PLEKHS1: variants seen among roughly 807,000 people sequenced by gnomAD.
PLEKHS1 encodes the protein pleckstrin homology domain containing S1, also known as pleckstrin homology domain-containing family S member 1.
In PLEKHS1, 55 loss-of-function variants were observed where a neutral mutation model predicts 51.0. The ratio of observed to expected loss-of-function variants is 1.08; its 90% confidence interval spans 0.87 to 1.35. The LOEUF is 1.35. PLEKHS1 is among the 40% of genes most tolerant of loss of function. PLEKHS1 has a pLI of 0.00. For synonymous variants in PLEKHS1, 153 were observed against 144.8 expected (o/e 1.06, Z -0.41); for missense variants, 398 against 423.0 (o/e 0.94, Z 0.52).
intron 4 of PLEKHS1, 103 bp downstream of exon 4, chr10:113,766,821 C>A (rs1041240449): frequency 8.7e-6 from 7 of 808,734 alleles, no homozygotes; most frequent in African/African-American, 3.5e-5. Flanking sequence ...CCAAAGGAAC[C>A]TGCTTCAAGC....
chr10:113,760,189 AGTTT>A lies in PLEKHS1; in HGVS notation c.28+4889_28+4892del, dbSNP rs1843855974. 5.9e-5 allele frequency among the ~76,000 whole-genome samples: 9 copies of A among 152,338 alleles called. No individual in the cohort carries two copies. The South Asian group carries it at 1.7e-3, about 28-fold the overall frequency. Reference sequence around the variant, plus strand: ...TACCCATGTCGTTGCATCTGTCAATAGTTTGTTTCTTTTTATTCCCATATAGTAT... The same window carrying A: ...TACCCATGTCGTTGCATCTGTCAATAGTTTCTTTTTATTCCCATATAGTAT... On this transcript the variant is annotated intron_variant, in intron 2 of 11. Transcript: ENST00000361048.
chr10:113,757,057 C>A (rs1379179290), intron 2 of PLEKHS1, among the ~76,000 whole-genome samples: 4 of 151,878 alleles, frequency 2.6e-5, no homozygotes, highest in South Asian at 2.1e-4. Context: ...CTAGGAGGCG[C>A]CTGCCACCAT....
At chr10:113,764,136 T>C (rs1180999415) in intron 2 of PLEKHS1, among the ~76,000 whole-genome samples, 1 of 152,238 alleles carries the variant, frequency 6.6e-6, no homozygotes, top group African/African-American at 2.4e-5. Context: ...AGTCTCACTC[T>C]ATCGCCCAGG....
intron 10 of PLEKHS1, 110 bp downstream of exon 10, chr10:113,775,145 C>A: frequency 3.0e-6 from 3 of 1,012,056 alleles, no homozygotes; most frequent in Admixed American, 2.6e-5. Flanking sequence ...TAAAAATCTC[C>A]AAGTCAGCCA....
Position 113,766,137 on chromosome 10 carries a change from G to A in PLEKHS1, c.29-274G>A, listed in dbSNP as rs541007797. On this transcript the variant is annotated intron_variant, in intron 2 of 11. Coordinates refer to ENST00000361048, the Ensembl canonical transcript of PLEKHS1. ...AATACAGCCAAATCTTTGCTCACACGTAGAGAGCCAACGACATACTCTAGA... is the reference window on the plus strand; with the variant it reads ...AATACAGCCAAATCTTTGCTCACACATAGAGAGCCAACGACATACTCTAGA... Among the ~76,000 whole-genome samples the A allele has an allele frequency of 1.1e-4, 16 of 152,324 alleles. No homozygotes were observed. The South Asian group carries it at 3.1e-3, about 30-fold the overall frequency.
exon 12 of PLEKHS1, chr10:113,781,119 T>C (rs1844852899): frequency 7.4e-6 from 2 of 271,462 alleles, no homozygotes; most frequent in Admixed American, 4.7e-5. Flanking sequence ...TTAAGGGACA[T>C]ACAGTTGCAA....
intron 2 of PLEKHS1, among the ~76,000 whole-genome samples, chr10:113,758,246 G>A (rs1843762256): frequency 6.6e-6 from 1 of 152,140 alleles, no homozygotes; most frequent in Non-Finnish European, 1.5e-5. Context: ...AACAGCTATA[G>A]CCTTATGAAA....
At chr10:113,768,762 C>A in intron 5 of PLEKHS1, 53 bp from the exon 6 acceptor site, 1 of 1,399,338 alleles carries the variant, frequency 7.1e-7, no homozygotes, top group Non-Finnish European at 1.0e-6. Flanking sequence ...TTCTCTGGTT[C>A]AAAAGGCACT....
chr10:113,777,679 A>G, intron 11 of PLEKHS1: 1 of 1,526,372 alleles, frequency 6.6e-7, no homozygotes, highest in East Asian at 2.5e-5. Flanking sequence ...TGACTGGCAC[A>G]TATTAGGTGC....
At chr10:113,755,475 G>C in intron 2 of PLEKHS1, 170 bp downstream of exon 2, 3 of 1,259,690 alleles carry the variant, frequency 2.4e-6, no homozygotes, top group Non-Finnish European at 3.0e-6. Context: ...ACAGTGGCAC[G>C]ATCTAAGCTC....
chr10:113,775,169 C>A (rs879400429), intron 10 of PLEKHS1, 134 bp downstream of exon 10: 13 of 772,534 alleles, frequency 1.7e-5, no homozygotes, highest in Admixed American at 2.7e-5. Flanking sequence ...ACTTGACCAT[C>A]TTCTCCCTGT....
intron 7 of PLEKHS1, 83 bp downstream of exon 7, chr10:113,769,983 T>G (rs1235195488): frequency 1.0e-6 from 1 of 983,716 alleles, no homozygotes. Flanking sequence ...GCAATTGAAT[T>G]TAACCATGCC....
At position 113,780,663 on chromosome 10, in the gene PLEKHS1, T is replaced by C. The variant is rs771290195; in HGVS notation, c.*61T>C. 6 of 1,613,860 alleles carry C rather than the reference T, an allele frequency of 3.7e-6. No individual in the cohort carries two copies. In the Admixed American group the frequency reaches 1.0e-4, roughly 27 times the overall value. On this transcript the variant is annotated 3_prime_UTR_variant, in exon 12 of 12. Coordinates refer to ENST00000361048, the Ensembl canonical transcript of PLEKHS1. ...GAGACATTCCATGCTGCATCCTGTA[T>C]GTGTCCCTCAAAATGCCAAAGTGCT...
At chr10:113,767,509 TA>T in intron 5 of PLEKHS1, 30 bp downstream of exon 5, 1 of 1,576,262 alleles carries the variant, frequency 6.3e-7, no homozygotes, top group Non-Finnish European at 8.6e-7. Flanking sequence ...ACAGAATATC[TA>T]CTGCATGCAA....
At chr10:113,759,876 TTGACATACAGTAGGC>T (rs990469451) in intron 2 of PLEKHS1, among the ~76,000 whole-genome samples, 2 of 152,218 alleles carry the variant, frequency 1.3e-5, no homozygotes, top group Admixed American at 1.3e-4. Context: ...TGAGGTATAA[TTGACATACAGTAGGC>T]TGACATGTTT....
intron 4 of PLEKHS1, 28 bp downstream of exon 4, chr10:113,766,746 T>C: frequency 1.3e-6 from 2 of 1,487,666 alleles, no homozygotes; most frequent in South Asian, 1.2e-5. Context: ...AAAACTTTTA[T>C]AACAACAAAT....
chr10:113,755,587 T>C (rs1160479092), intron 2 of PLEKHS1, among the ~76,000 whole-genome samples: 1 of 152,100 alleles, frequency 6.6e-6, no homozygotes, highest in African/African-American at 2.4e-5. Context: ...GTATTTTTAG[T>C]AGAGACGGGG....
At chr10:113,755,334 G>A (rs374937238) in intron 2 of PLEKHS1, 29 bp downstream of exon 2, 9 of 1,597,998 alleles carry the variant, frequency 5.6e-6, no homozygotes, top group Non-Finnish European at 6.0e-6. Context: ...CGCAGAAGCA[G>A]AAATCTTTTT....
chr10:113,753,285 A>T (rs1425372233), intron 1 of PLEKHS1, among the ~76,000 whole-genome samples: 2 of 152,192 alleles, frequency 1.3e-5, no homozygotes, highest in African/African-American at 2.4e-5. Context: ...GCTTGTCCCC[A>T]GCTCTTCAGG....
Sources: gnomAD v4.1 joint callset for allele counts (sites outside exome capture counted in the v4.1 genomes callset) on GRCh38, gnomAD v4.1.1 for gene constraint, MANE v1.5 for transcripts, NCBI Gene and HGNC (gene_info 2026-07-23, HGNC 2026-07-21) for gene names.